Variants in ARHGAP32 observed in about 807,000 individuals in gnomAD.
ARHGAP32 encodes Rho GTPase activating protein 32, also known as rho GTPase-activating protein 32.
ARHGAP32 carries 51 observed loss-of-function variants against 186.5 expected under a neutral mutation model. The ratio of observed to expected loss-of-function variants is 0.27; its 90% confidence interval spans 0.22 to 0.35. The LOEUF (loss-of-function observed/expected upper bound fraction) is 0.35, where lower values mean the gene tolerates loss of function less well. Among genes scored for constraint, ARHGAP32 ranks in the 10% least tolerant of loss-of-function variants. ARHGAP32 has a pLI of 1.00. For missense variants in ARHGAP32, 2,186 were observed against 2,623.5 expected (o/e 0.83, Z 3.64); for synonymous variants, 950 against 964.3 (o/e 0.99, Z 0.27).
At position 129,123,580 on chromosome 11, in the gene ARHGAP32, T is replaced by A; in HGVS notation, c.360-50A>T. On this transcript the variant is annotated intron_variant, in intron 4 of 22. Transcript: ENST00000682385. This position sits in a 1 kb window ranked among gnomAD's most constrained non-coding sequence, Gnocchi z 4.6. The stretch of plus-strand genomic sequence containing the variant: ...AACGAGATAGTGAAACAGTAAAAAT[T>A]ACTAAGTTTAAGGGAAAAATACAGT... The A allele has an allele frequency of 6.5e-7, 1 of 1,526,764 alleles. No individual in the cohort carries two copies. Among genetic ancestry groups the A allele is most frequent in the East Asian group, 2.3e-5 (1 of 44,112 alleles). The allele number at this position is 1,526,764 out of a possible 1,614,324, so 94.6% of individuals were successfully genotyped here. A position where few individuals can be genotyped will look rare whatever the true frequency, so the allele number is the denominator to read the frequency against.
chr11:129,148,943 C>T (rs1201240597), intron 2 of ARHGAP32, among the ~76,000 whole-genome samples: 1 of 152,164 alleles, frequency 6.6e-6, no homozygotes, highest in African/African-American at 2.4e-5. Context: ...CCACAGCAAG[C>T]CTCACCCAAG....
Position 128,974,162 on chromosome 11 carries a change from C to T in ARHGAP32, c.3035G>A (p.Ser1012Asn). 5.0e-6 allele frequency: 8 copies of T among 1,614,216 alleles called. No homozygotes were observed. Among genetic ancestry groups the T allele is most frequent in the Non-Finnish European group, 6.8e-6 (8 of 1,180,020 alleles). Residue 1012 changes from serine (S) to asparagine (N), a missense_variant, in exon 21 of 23, where the codon AGT becomes AAT. Transcript: ENST00000682385. ...TCCAGAAGCTACAGCCTTACTCTGA[C>T]TGCTTGAGACAGACTGATCCTCTTT... ...PGKEDQSVSS[S>N]QSKAVASGQT...
chr11:129,227,174 G>C (rs1160461669), intron 1 of ARHGAP32, among the ~76,000 whole-genome samples: 1 of 151,988 alleles, frequency 6.6e-6, no homozygotes, highest in African/African-American at 2.4e-5. Flanking sequence ...TTGAAATTAA[G>C]TGAGTATTAA....
chr11:129,030,181 A>C (rs1405023614), intron 11 of ARHGAP32, among the ~76,000 whole-genome samples: 2 of 152,210 alleles, frequency 1.3e-5, no homozygotes, highest in Non-Finnish European at 2.9e-5. Flanking sequence ...TATTCGGTGC[A>C]ACACTCCAAA....
At chr11:129,146,171 T>C (rs983867643) in intron 2 of ARHGAP32, among the ~76,000 whole-genome samples, 1 of 152,172 alleles carries the variant, frequency 6.6e-6, no homozygotes, top group African/African-American at 2.4e-5. Flanking sequence ...TTAAAAAACA[T>C]TTGCAAATAC....
intron 10 of ARHGAP32, among the ~76,000 whole-genome samples, chr11:129,048,037 G>C (rs1378161417): frequency 1.3e-5 from 2 of 152,036 alleles, no homozygotes; most frequent in Non-Finnish European, 2.9e-5. Context: ...AGTAATTCTT[G>C]TATTGGGCTC....
chr11:129,188,705 TTAAAA>T (rs1312810985), intron 1 of ARHGAP32, among the ~76,000 whole-genome samples: 2 of 152,168 alleles, frequency 1.3e-5, no homozygotes, highest in Non-Finnish European at 2.9e-5. Flanking sequence ...TCCCCCCCAA[TTAAAA>T]TATGTTCACC....
In ARHGAP32 at chr11:128,972,197, C is replaced by T. The variant is rs965600944; in HGVS notation, c.4053+256G>A. 5 of 253,940 alleles carry T rather than the reference C, an allele frequency of 2.0e-5. No homozygotes were observed. In the East Asian group the frequency reaches 2.9e-4, roughly 15 times the overall value. The allele number at this position is 253,940 out of a possible 1,614,324, so 15.7% of individuals were successfully genotyped here. A position where few individuals can be genotyped will look rare whatever the true frequency, so the allele number is the denominator to read the frequency against. On this transcript the variant is annotated intron_variant, in intron 22 of 22. Transcript: ENST00000682385. Reference sequence around the variant, plus strand: ...TCTTTGTGTTACTGGAATAAACTACCGAGACACTTTAGGAAGAAAAGGGAG... The same window carrying T: ...TCTTTGTGTTACTGGAATAAACTACTGAGACACTTTAGGAAGAAAAGGGAG...
rs1015235402 is a variant in ARHGAP32 at position 129,260,941 on chromosome 11, A to G, written c.-5+18205T>C. On this transcript the variant is annotated intron_variant, in intron 1 of 6. Coordinates refer to the ARHGAP32 transcript ENST00000525234. ...ATCAAACAACTTTGCCAGAACAAAG[A>G]TAAGAAACAGTTTCCTCCAAACAGA... is the stretch of plus-strand genomic sequence containing the variant. Among the ~76,000 whole-genome samples, 5 of 152,300 alleles carry G rather than the reference A, an allele frequency of 3.3e-5. No homozygotes were observed. In the East Asian group the frequency reaches 5.8e-4, roughly 18 times the overall value.
Position 128,969,548 on chromosome 11 carries a change from G to A in ARHGAP32, c.5665C>T (p.Pro1889Ser). The A allele has an allele frequency of 6.2e-7, 1 of 1,614,136 alleles. No homozygotes were observed. Among genetic ancestry groups the A allele is most frequent in the Non-Finnish European group, 8.5e-7 (1 of 1,180,020 alleles). Residue 1889 changes from proline (P) to serine (S), a missense_variant, in exon 23 of 23, where the codon CCT becomes TCT. Physicochemically the swap from Pro to Ser is moderately conservative, Grantham distance 74 (BLOSUM62 -1). Transcript: ENST00000682385. The surrounding 1 kb of genome is among the most constrained non-coding windows in gnomAD (Gnocchi z 4.8). The part of the protein sequence containing the change: ...RKLPDMGCSL[P>S]EHRAHQEASH... ...GCTTCTTGGTGTGCCCTGTGCTCAGGAAGACTGCAGCCCATGTCAGGAAGC... is the reference window on the plus strand; with the variant it reads ...GCTTCTTGGTGTGCCCTGTGCTCAGAAAGACTGCAGCCCATGTCAGGAAGC...
intron 1 of ARHGAP32, among the ~76,000 whole-genome samples, chr11:129,230,096 A>T (rs1944838173): frequency 6.6e-6 from 1 of 152,146 alleles, no homozygotes; most frequent in Non-Finnish European, 1.5e-5. Flanking sequence ...TACAAGCACG[A>T]ACCATTGTGC....
At chr11:129,265,387 C>A (rs549768397) in intron 1 of ARHGAP32, among the ~76,000 whole-genome samples, 1 of 152,290 alleles carries the variant, frequency 6.6e-6, no homozygotes, top group East Asian at 1.9e-4. Flanking sequence ...TTGTCCTGTG[C>A]AGGAGTAATA....
chr11:129,204,723 G>A (rs903238383), intron 1 of ARHGAP32, among the ~76,000 whole-genome samples: 1 of 152,170 alleles, frequency 6.6e-6, no homozygotes, highest in African/African-American at 2.4e-5. Context: ...TTTACTTAAA[G>A]TACTAGAGAC....
chr11:129,017,252 G>A (rs765807131), intron 11 of ARHGAP32, among the ~76,000 whole-genome samples: 1 of 152,048 alleles, frequency 6.6e-6, no homozygotes, highest in African/African-American at 2.4e-5. Flanking sequence ...TCAGGAGTTC[G>A]AGACCAGCCT....
intron 1 of ARHGAP32, among the ~76,000 whole-genome samples, chr11:129,276,968 A>G (rs547601501): frequency 2.4e-4 from 36 of 152,354 alleles, no homozygotes; most frequent in African/African-American, 7.7e-4. Context: ...GGACTTCACA[A>G]TCATGGGTTA....
At chr11:129,088,889 T>A (rs1222048193) in intron 6 of ARHGAP32, among the ~76,000 whole-genome samples, 3 of 150,336 alleles carry the variant, frequency 2.0e-5, no homozygotes, top group South Asian at 4.2e-4. Flanking sequence ...AAGTACGAAA[T>A]TAGCCAGGTG....
chr11:128,986,162 ACTCTGAGATCAACTTGCTTTG>A, intron 14 of ARHGAP32, 77 bp from the exon 15 acceptor site: 1 of 1,117,686 alleles, frequency 8.9e-7, no homozygotes, highest in South Asian at 1.4e-5. Flanking sequence ...TTCAGTTTTC[ACTCTGAGATCAACTTGCTTTG>A]CTCTTGGATG....
chr11:129,232,127 C>CAG (rs1419939152), intron 1 of ARHGAP32, among the ~76,000 whole-genome samples: 1 of 151,216 alleles, frequency 6.6e-6, no homozygotes, highest in Non-Finnish European at 1.5e-5. Context: ...GTGTTGATAC[C>CAG]AGTATTATCC....
intron 1 of ARHGAP32, among the ~76,000 whole-genome samples, chr11:129,202,418 C>T (rs1321469152): frequency 1.3e-5 from 2 of 151,576 alleles, no homozygotes; most frequent in Non-Finnish European, 1.5e-5. Flanking sequence ...ATCTAGGTCC[C>T]AGGAATAGGA....
Sources: allele counts gnomAD v4.1 joint callset (sites outside exome capture counted in the v4.1 genomes callset), GRCh38; gene constraint gnomAD v4.1.1; non-coding constraint Gnocchi (gnomAD v3.1); transcripts MANE v1.5; gene names NCBI Gene and HGNC (gene_info 2026-07-23, HGNC 2026-07-21).